The following LAMA3 variants were observed in gnomAD, a reference collection of about 807,000 sequenced individuals.
The protein encoded by LAMA3 is laminin subunit alpha 3.
In LAMA3, 281 loss-of-function variants were observed where a neutral mutation model predicts 402.0. The observed-to-expected ratio is 0.70, with a 90% CI of 0.63 to 0.77. The LOEUF (loss-of-function observed/expected upper bound fraction) is 0.77. LAMA3 is among the 30% of genes least tolerant of loss of function. The probability of loss-of-function intolerance (pLI) is 0.00; values close to 1 mark genes in which losing one functional copy is unlikely to be tolerated. For missense variants in LAMA3, 3,840 were observed against 4,215.5 expected (o/e 0.91, Z 2.47); for synonymous variants, 1,431 against 1,558.4 (o/e 0.92, Z 1.93).
At chr18:23,914,028 G>A (rs1173932558) in intron 56 of LAMA3, among the ~76,000 whole-genome samples, 2 of 152,212 alleles carry the variant, frequency 1.3e-5, no homozygotes, top group Non-Finnish European at 2.9e-5. Context: ...TGTGACAACA[G>A]AGGCATGCAC....
intron 7 of LAMA3, among the ~76,000 whole-genome samples, chr18:23,761,457 C>T (rs867984438): frequency 6.6e-6 from 1 of 152,176 alleles, no homozygotes; most frequent in Non-Finnish European, 1.5e-5. Flanking sequence ...GTTGGAATTT[C>T]GCCTCTTCTA....
intron 5 of LAMA3, among the ~76,000 whole-genome samples, chr18:23,753,032 A>C (rs2061781266): frequency 6.6e-6 from 1 of 152,212 alleles, no homozygotes; most frequent in African/African-American, 2.4e-5. Flanking sequence ...TATTGTCAGC[A>C]CTGCAGAGGC....
intron 2 of LAMA3, among the ~76,000 whole-genome samples, chr18:23,729,229 C>A (rs1254392311): frequency 6.6e-6 from 1 of 150,394 alleles, no homozygotes; most frequent in African/African-American, 2.4e-5. Flanking sequence ...ATATTCTGTC[C>A]CTTTCTGTAT....
At chr18:23,900,390 T>C (rs1322427088) in intron 47 of LAMA3, among the ~76,000 whole-genome samples, 1 of 152,176 alleles carries the variant, frequency 6.6e-6, no homozygotes, top group Non-Finnish European at 1.5e-5. Flanking sequence ...AACTTTTGAC[T>C]GCATTTTGAC....
At chr18:23,720,589 C>T (rs967777979) in intron 2 of LAMA3, among the ~76,000 whole-genome samples, 37 of 152,040 alleles carry the variant, frequency 2.4e-4, no homozygotes, top group Non-Finnish European at 1.5e-4. Flanking sequence ...TTCTTGACCT[C>T]GTGATCCACC....
At chr18:23,930,852 T>C (rs2082141147) in intron 64 of LAMA3, among the ~76,000 whole-genome samples, 1 of 152,218 alleles carries the variant, frequency 6.6e-6, no homozygotes, top group African/African-American at 2.4e-5. Context: ...AATTCATTGG[T>C]GTTGACATAA....
Position 23,775,865 on chromosome 18 carries a change from C to T in LAMA3, c.1347C>T (p.Phe449=). ...GSGRCHCKPN[F]HGDNCEKCAI... ...GCCGCTGTCACTGCAAGCCAAATTT[C>T]CACGGAGACAACTGTGAGAAGTGTG... The change falls in exon 10 of 75, where the codon TTC becomes TTT. Residue 449 remains phenylalanine (F), a synonymous_variant. Transcript: ENST00000313654. 1 of 1,614,084 alleles carries T rather than the reference C, an allele frequency of 6.2e-7. No individual in the cohort carries two copies. Among genetic ancestry groups the T allele is most frequent in the Non-Finnish European group, 8.5e-7 (1 of 1,179,952 alleles).
At chr18:23,950,570 C>A (rs1021195968) in intron 72 of LAMA3, among the ~76,000 whole-genome samples, 38 of 152,154 alleles carry the variant, frequency 2.5e-4, no homozygotes, top group African/African-American at 8.7e-4. Context: ...CACTCACAGG[C>A]CTGAGTCAAC....
intron 58 of LAMA3, 131 bp from the exon 59 acceptor site, chr18:23,915,158 G>A: frequency 9.5e-7 from 1 of 1,049,498 alleles, no homozygotes; most frequent in South Asian, 1.4e-5. Context: ...GCAAAGCCAG[G>A]GCATCTTGTT....
At chr18:23,881,887 G>A (rs571814456) in intron 39 of LAMA3, 49 bp from the exon 40 acceptor site, 2 of 1,181,458 alleles carry the variant, frequency 1.7e-6, no homozygotes, top group Admixed American at 1.8e-5. Context: ...AATCTCAGAA[G>A]TAGGGACTGT....
intron 19 of LAMA3, among the ~76,000 whole-genome samples, chr18:23,821,233 C>CT (rs2063279766): frequency 6.6e-6 from 1 of 152,230 alleles, no homozygotes. Context: ...AGCATCACCA[C>CT]TTACTTTACT....
intron 52 of LAMA3, among the ~76,000 whole-genome samples, chr18:23,906,581 A>G (rs1000071294): frequency 1.3e-5 from 2 of 152,200 alleles, no homozygotes; most frequent in Admixed American, 1.3e-4. Flanking sequence ...CAGAGGGATT[A>G]AATGATGCCT....
chr18:23,916,821 C>A, intron 60 of LAMA3, 126 bp downstream of exon 60: 2 of 931,828 alleles, frequency 2.1e-6, no homozygotes, highest in East Asian at 2.5e-5. Context: ...TACCTGCATC[C>A]TTTTCCTCCA....
chr18:23,755,339 C>T (rs1243380229), intron 6 of LAMA3, among the ~76,000 whole-genome samples: 1 of 152,220 alleles, frequency 6.6e-6, no homozygotes, highest in Non-Finnish European at 1.5e-5. Flanking sequence ...TCCCAATACA[C>T]ATGTGTGGAG....
intron 2 of LAMA3, among the ~76,000 whole-genome samples, chr18:23,725,114 CT>C (rs200486038): frequency 1.4e-3 from 208 of 145,322 alleles, no homozygotes; most frequent in Admixed American, 1.4e-3. Context: ...ACTCACCATT[CT>C]TTTTTTTTTT....
intron 62 of LAMA3, among the ~76,000 whole-genome samples, chr18:23,926,873 G>C (rs2082018248): frequency 6.6e-6 from 1 of 152,216 alleles, no homozygotes; most frequent in Non-Finnish European, 1.5e-5. Flanking sequence ...TTACTAACTT[G>C]ACGATCTCAC....
chr18:23,842,287 C>A, intron 27 of LAMA3, 108 bp from the exon 28 acceptor site: 1 of 1,381,326 alleles, frequency 7.2e-7, no homozygotes, highest in Non-Finnish European at 1.0e-6. Context: ...TTGGTAAATA[C>A]TTAGGTTGTT....
intron 1 of LAMA3, among the ~76,000 whole-genome samples, chr18:23,694,857 A>C (rs2060655430): frequency 6.6e-6 from 1 of 152,188 alleles, no homozygotes; most frequent in African/African-American, 2.4e-5. Flanking sequence ...CAGAGTATTG[A>C]GATGCCCCAT....
intron 69 of LAMA3, 58 bp downstream of exon 69, chr18:23,944,029 G>A (rs554636436): frequency 6.4e-5 from 97 of 1,519,562 alleles, no homozygotes; most frequent in Non-Finnish European, 8.1e-5. Flanking sequence ...TGTTGGAGTC[G>A]CTGAAAATAG....
Sources: gnomAD v4.1 joint callset for allele counts (sites outside exome capture counted in the v4.1 genomes callset) on GRCh38, gnomAD v4.1.1 for gene constraint, MANE v1.5 for transcripts, NCBI Gene and HGNC (gene_info 2026-07-23, HGNC 2026-07-21) for gene names.